Variants in TMC1 observed in about 807,000 individuals in gnomAD.
The protein encoded by TMC1 is transmembrane channel-like protein 1.
In TMC1, 84 loss-of-function variants were observed where a neutral mutation model predicts 105.8. The observed-to-expected ratio is 0.79, with a 90% CI of 0.67 to 0.95. TMC1 has a LOEUF of 0.95. Among genes scored for constraint, TMC1 ranks in the 40% least tolerant of loss-of-function variants. The probability of loss-of-function intolerance (pLI) is 0.00; values close to 1 mark genes in which losing one functional copy is unlikely to be tolerated. For synonymous variants in TMC1, 315 were observed against 311.5 expected, an observed-to-expected ratio of 1.01 and a Z score of -0.12; for missense variants, 817 against 914.1, an observed-to-expected ratio of 0.89 and a Z score of 1.37.
At chr9:72,789,773 G>A (rs1828234540) in intron 15 of TMC1, among the ~76,000 whole-genome samples, 2 of 152,132 alleles carry the variant, frequency 1.3e-5, no homozygotes, top group South Asian at 2.1e-4. Context: ...CCATGATAAA[G>A]CCACTGATTC....
At chr9:72,641,125 A>T (rs1391165332) in intron 4 of TMC1, among the ~76,000 whole-genome samples, 1 of 151,526 alleles carries the variant, frequency 6.6e-6, no homozygotes, top group Non-Finnish European at 1.5e-5. Context: ...ACAGGGCCTC[A>T]CTCTGTTGCC....
intron 2 of TMC1, among the ~76,000 whole-genome samples, chr9:72,590,295 T>C (rs927590839): frequency 6.6e-6 from 1 of 152,220 alleles, no homozygotes; most frequent in African/African-American, 2.4e-5. Flanking sequence ...TTGAAGCAGA[T>C]TGCAATTTCA....
chr9:72,663,372 T>G (rs1457688978), intron 5 of TMC1, among the ~76,000 whole-genome samples: 1 of 152,186 alleles, frequency 6.6e-6, no homozygotes, highest in African/African-American at 2.4e-5. Context: ...GTGATGTTAT[T>G]TGCAGGAGTA....
intron 1 of TMC1, among the ~76,000 whole-genome samples, chr9:72,550,717 G>T (rs914802562): frequency 4.0e-5 from 6 of 151,786 alleles, no homozygotes; most frequent in African/African-American, 1.5e-4. Context: ...GAAATAGGGG[G>T]TAAAAAGGCT....
At chr9:72,698,524 A>G (rs1588037440) in intron 7 of TMC1, among the ~76,000 whole-genome samples, 2 of 152,316 alleles carry the variant, frequency 1.3e-5, no homozygotes, top group South Asian at 4.1e-4. Flanking sequence ...TTATTGGTCA[A>G]TATCTAGTGA....
At chr9:72,543,047 TA>T (rs1823704734) in intron 1 of TMC1, among the ~76,000 whole-genome samples, 1 of 152,138 alleles carries the variant, frequency 6.6e-6, no homozygotes, top group South Asian at 2.1e-4. Flanking sequence ...TTCTATGTGA[TA>T]ATTTTTTTTA....
intron 21 of TMC1, 79 bp downstream of exon 21, chr9:72,827,073 C>T: frequency 3.2e-6 from 5 of 1,576,006 alleles, no homozygotes; most frequent in East Asian, 2.2e-5. Flanking sequence ...TTTTTCAGCT[C>T]TCTCACTCTC....
chr9:72,601,600 G>A lies in TMC1; in HGVS notation c.-305-14768G>A, dbSNP rs572967509. Among the ~76,000 whole-genome samples, 7 of 152,058 alleles carry A rather than the reference G, an allele frequency of 4.6e-5. No individual in the cohort carries two copies. The South Asian group carries it at 8.3e-4, about 18-fold the overall frequency. ...GTGGAGGTTGTAGTGAGCTGAGATC[G>A]TGCTCCTGCACTCCAGTCTGGGTGA... On this transcript the variant is annotated intron_variant, in intron 2 of 23. Coordinates refer to ENST00000297784, the MANE Select transcript of TMC1 (RefSeq NM_138691.3).
At chr9:72,807,795 G>A (rs562977777) in intron 18 of TMC1, among the ~76,000 whole-genome samples, 1 of 152,330 alleles carries the variant, frequency 6.6e-6, no homozygotes, top group Non-Finnish European at 1.5e-5. Context: ...TTCAAGGAAG[G>A]CCTAGTTTGC....
chr9:72,598,270 C>T (rs140866486), intron 2 of TMC1, among the ~76,000 whole-genome samples: 180 of 152,264 alleles, frequency 1.2e-3, no homozygotes, highest in African/African-American at 4.1e-3. Context: ...CAAGCTCTTG[C>T]TCCGACAACC....
chr9:72,668,412 G>C (rs554987702), intron 5 of TMC1, among the ~76,000 whole-genome samples: 1 of 152,308 alleles, frequency 6.6e-6, no homozygotes, highest in East Asian at 1.9e-4. Flanking sequence ...TGTCTCCATA[G>C]ACACTAAGTG....
chr9:72,644,240 A>G (rs1825674289), intron 4 of TMC1, among the ~76,000 whole-genome samples: 1 of 151,818 alleles, frequency 6.6e-6, no homozygotes, highest in Non-Finnish European at 1.5e-5. Flanking sequence ...TTCTCCTAGC[A>G]GTCTTTTGAA....
intron 2 of TMC1, among the ~76,000 whole-genome samples, chr9:72,599,584 T>C (rs527775250): frequency 2.6e-5 from 4 of 152,126 alleles, no homozygotes; most frequent in Non-Finnish European, 4.4e-5. Context: ...CTCCCTTTTT[T>C]TGTTTTTGGT....
intron 5 of TMC1, among the ~76,000 whole-genome samples, chr9:72,671,338 T>C (rs2132169001): frequency 6.6e-6 from 1 of 152,324 alleles, no homozygotes; most frequent in Non-Finnish European, 1.5e-5. Context: ...TATGATCTGC[T>C]TCAGAGAAGT....
chr9:72,625,982 T>C (rs1825340473), intron 3 of TMC1, among the ~76,000 whole-genome samples: 1 of 152,188 alleles, frequency 6.6e-6, no homozygotes, highest in Non-Finnish European at 1.5e-5. Context: ...ATATTTTCTT[T>C]TTGAGCTTTC....
rs1826681503 is a variant in TMC1, at chr9:72,703,602, T to C, written c.362+2959T>C. ...ATTCTCAAACAATCCATATTACTTG[T>C]TTATGCTGCTTGGCTGGACCCTGTA... On this transcript the variant is annotated intron_variant, in intron 8 of 23. Coordinates refer to ENST00000297784, the MANE Select transcript of TMC1 (RefSeq NM_138691.3). 2.0e-5 allele frequency among the ~76,000 whole-genome samples: 3 copies of C among 152,316 alleles called. 1 individual carries two copies. In the South Asian group the frequency reaches 6.2e-4, roughly 32 times the overall value.
At chr9:72,779,345 A>C (rs1484377046) in intron 13 of TMC1, among the ~76,000 whole-genome samples, 1 of 152,242 alleles carries the variant, frequency 6.6e-6, no homozygotes, top group Non-Finnish European at 1.5e-5. Flanking sequence ...GGGGCAACTC[A>C]AAAAGCCGGA....
At chr9:72,776,997 C>A (rs746186459) in intron 13 of TMC1, among the ~76,000 whole-genome samples, 1 of 151,708 alleles carries the variant, frequency 6.6e-6, no homozygotes, top group Non-Finnish European at 1.5e-5. Flanking sequence ...CTCATGTGAC[C>A]AAACGTTTTG....
intron 18 of TMC1, among the ~76,000 whole-genome samples, chr9:72,806,392 CG>C (rs977107848): frequency 2.1e-5 from 3 of 141,128 alleles, no homozygotes; most frequent in South Asian, 2.2e-4. Context: ...GCTGGCCGGG[CG>C]GGGGGCTGAC....
Sources: gnomAD v4.1 joint callset for allele counts (sites outside exome capture counted in the v4.1 genomes callset) on GRCh38, gnomAD v4.1.1 for gene constraint, MANE v1.5 for transcripts, NCBI Gene and HGNC (gene_info 2026-07-23, HGNC 2026-07-21) for gene names.